The following PROM1 variants were observed in gnomAD, a reference collection of about 807,000 sequenced individuals.
PROM1 encodes prominin 1.
In PROM1, 105 loss-of-function variants were observed where a neutral mutation model predicts 116.9. That is an observed-to-expected ratio of 0.90 (90% CI 0.77 to 1.06). The LOEUF is 1.06. PROM1 is among the 50% of genes least tolerant of loss of function. PROM1 has a pLI of 0.00. For missense variants in PROM1, 1,122 were observed against 1,045.2 expected, an observed-to-expected ratio of 1.07 and a Z score of -1.01; for synonymous variants, 393 against 387.0, an observed-to-expected ratio of 1.02 and a Z score of -0.18.
At chr4:16,012,789 T>G (rs1387603055) in intron 11 of PROM1, among the ~76,000 whole-genome samples, 3 of 144,112 alleles carry the variant, frequency 2.1e-5, no homozygotes, top group African/African-American at 7.8e-5. Context: ...GAGAATGGCG[T>G]GAACCCGGGA....
intron 2 of PROM1, among the ~76,000 whole-genome samples, chr4:16,069,179 G>C (rs1742248207): frequency 6.6e-6 from 1 of 152,212 alleles, no homozygotes; most frequent in Admixed American, 6.5e-5. Context: ...AGGTTGCAGT[G>C]AGCCGAGATC....
At chr4:15,978,889 A>G (rs1716936557) in intron 26 of PROM1, among the ~76,000 whole-genome samples, 1 of 152,202 alleles carries the variant, frequency 6.6e-6, no homozygotes, top group Non-Finnish European at 1.5e-5. Context: ...AGAACCACAG[A>G]AGCTCCTTAA....
In PROM1 at chr4:15,984,361, G is replaced by C. The variant is rs3815344; in HGVS notation, c.2281-6C>G. On this transcript the variant is annotated splice_region_variant and splice_polypyrimidine_tract_variant and intron_variant, in intron 22 of 27. Transcript: ENST00000447510. The stretch of plus-strand genomic sequence containing the variant: ...GATGCCACTTTCTCACTGATCTAGG[G>C]GGGTGGAAACACAGGGAAACTTTGA... 376,795 of 1,556,772 alleles carry C rather than the reference G, an allele frequency of 0.24. 47,813 individuals carry two copies. The highest frequency in any genetic ancestry group is 0.32 in the Admixed American group (17,007 of 53,502).
At chr4:16,032,453 G>A (rs966529725) in intron 5 of PROM1, among the ~76,000 whole-genome samples, 26 of 152,006 alleles carry the variant, frequency 1.7e-4, no homozygotes, top group Admixed American at 1.3e-4. Flanking sequence ...AAAATCTTAC[G>A]GCTACTGAGC....
At chr4:16,055,041 T>A (rs114317383) in intron 2 of PROM1, among the ~76,000 whole-genome samples, 2,208 of 152,330 alleles carry the variant, frequency 0.014, 24 homozygotes, top group Non-Finnish European at 0.022. Context: ...GACTGTTCAT[T>A]CCTTAAAGCA....
intron 13 of PROM1, chr4:16,003,313 A>G: frequency 2.2e-6 from 1 of 456,700 alleles, no homozygotes; most frequent in Non-Finnish European, 4.4e-6. Flanking sequence ...CTCCCTCTTC[A>G]TGATGATTTC....
intron 8 of PROM1, among the ~76,000 whole-genome samples, chr4:16,020,236 T>A (rs1405913508): frequency 1.3e-5 from 2 of 152,210 alleles, no homozygotes; most frequent in Non-Finnish European, 2.9e-5. Flanking sequence ...CAAATTTCTA[T>A]CACTTTACCT....
At chr4:16,018,623 G>A in intron 8 of PROM1, 83 bp from the exon 9 acceptor site, 1 of 1,268,520 alleles carries the variant, frequency 7.9e-7, no homozygotes, top group East Asian at 2.6e-5. Flanking sequence ...ACTTGGGATG[G>A]ACTGGTAAAT....
At chr4:15,997,569 C>A (rs961021731) in intron 15 of PROM1, among the ~76,000 whole-genome samples, 5 of 152,092 alleles carry the variant, frequency 3.3e-5, no homozygotes, top group African/African-American at 1.2e-4. Context: ...AAGCAATTCT[C>A]TTGTCTCAGC....
intron 2 of PROM1, among the ~76,000 whole-genome samples, chr4:16,074,019 G>A (rs1017189510): frequency 3.2e-4 from 48 of 152,144 alleles, no homozygotes; most frequent in African/African-American, 1.1e-3. Flanking sequence ...CAGTCTTTTT[G>A]AGGAAATGAT....
At chr4:16,010,427 G>A (rs1343222666) in intron 11 of PROM1, among the ~76,000 whole-genome samples, 1 of 152,200 alleles carries the variant, frequency 6.6e-6, no homozygotes, top group Non-Finnish European at 1.5e-5. Flanking sequence ...ATATTATCCT[G>A]AGGCTCCCGG....
chr4:15,981,716 A>G (rs1024345167), intron 23 of PROM1, among the ~76,000 whole-genome samples: 1 of 152,206 alleles, frequency 6.6e-6, no homozygotes, highest in Non-Finnish European at 1.5e-5. Context: ...TAGGGTCTCA[A>G]TCAATGTTTC....
intron 26 of PROM1, among the ~76,000 whole-genome samples, chr4:15,977,878 A>G (rs532157801): frequency 1.3e-5 from 2 of 152,324 alleles, no homozygotes; most frequent in South Asian, 2.1e-4. Flanking sequence ...GATTACAGGC[A>G]TGAGCCACCG....
At position 16,061,531 on chromosome 4, in the gene PROM1, A is replaced by G. The variant is rs1444139463; in HGVS notation, c.220+14156T>C. On this transcript the variant is annotated intron_variant, in intron 2 of 27. Transcript: ENST00000447510. ...GCCCACTTTCTCGGCTGACCAGATG[A>G]CATGGACATCAGTTCCGTCCCTCAG... Among the ~76,000 whole-genome samples the G allele has an allele frequency of 2.6e-5, 4 of 152,234 alleles. No individual in the cohort carries two copies. In the East Asian group the frequency reaches 7.7e-4, roughly 29 times the overall value.
chr4:16,053,249 T>A (rs922140567), intron 2 of PROM1, among the ~76,000 whole-genome samples: 3 of 152,230 alleles, frequency 2.0e-5, no homozygotes, highest in African/African-American at 7.2e-5. Context: ...TTTTCAGGTT[T>A]GAGGTTATTC....
chr4:16,081,973 G>A (rs1745131728), intron 1 of PROM1: 1 of 152,036 alleles, frequency 6.6e-6, no homozygotes, highest in African/African-American at 2.4e-5. Flanking sequence ...GCAACAGTAA[G>A]GGGGCTCTGG....
intron 11 of PROM1, among the ~76,000 whole-genome samples, chr4:16,010,717 C>CATGTTGCTCCTGGGCTCAAG (rs1237981095): frequency 9.2e-5 from 14 of 151,966 alleles, no homozygotes; most frequent in African/African-American, 3.4e-4. Context: ...GGAATCTCAC[C>CATGTTGCTCCTGGGCTCAAG]ATGTTGCTCC....
chr4:16,012,612 T>G (rs1727168460), intron 11 of PROM1, among the ~76,000 whole-genome samples: 1 of 152,076 alleles, frequency 6.6e-6, no homozygotes, highest in Non-Finnish European at 1.5e-5. Context: ...GGCTCACGCC[T>G]ATAATCCCAG....
chr4:16,078,086 G>A (rs145918137), intron 1 of PROM1: 2 of 152,340 alleles, frequency 1.3e-5, no homozygotes, highest in Non-Finnish European at 2.9e-5. Context: ...AGGGCAGAGG[G>A]AGACTCTTAC....
Sources: gnomAD v4.1 joint callset for allele counts (sites outside exome capture counted in the v4.1 genomes callset) on GRCh38, gnomAD v4.1.1 for gene constraint, MANE v1.5 for transcripts, NCBI Gene and HGNC (gene_info 2026-07-23, HGNC 2026-07-21) for gene names.